The following CNST variants were observed in gnomAD, a reference collection of about 807,000 sequenced individuals.
CNST encodes the protein consortin.
CNST carries 39 observed loss-of-function variants against 72.4 expected under a neutral mutation model. The ratio of observed to expected loss-of-function variants is 0.54; its 90% CI spans 0.42 to 0.70. The LOEUF (loss-of-function observed/expected upper bound fraction) is 0.70. Among genes scored for constraint, CNST ranks in the 30% least tolerant of loss-of-function variants. CNST has a pLI of 0.00. For missense variants in CNST, 871 were observed against 868.5 expected (o/e 1.00, Z -0.04); for synonymous variants, 332 against 320.1 (o/e 1.04, Z -0.40).
At chr1:246,619,740 G>A (rs944154716) in intron 2 of CNST, among the ~76,000 whole-genome samples, 9 of 152,242 alleles carry the variant, frequency 5.9e-5, no homozygotes, top group African/African-American at 2.2e-4. Flanking sequence ...ATGAAGAATG[G>A]ACCAGTCTGG....
chr1:246,651,258 C>G (rs1450593277), intron 9 of CNST, among the ~76,000 whole-genome samples: 1 of 152,094 alleles, frequency 6.6e-6, no homozygotes. Flanking sequence ...GAGTCTGCCC[C>G]CTCCACCCCT....
chr1:246,628,692 C>T (rs1168374583), intron 3 of CNST, among the ~76,000 whole-genome samples: 2 of 152,224 alleles, frequency 1.3e-5, no homozygotes, highest in Non-Finnish European at 2.9e-5. Context: ...TTCATGAGGG[C>T]AGAGCCCCCG....
intron 1 of CNST, among the ~76,000 whole-genome samples, chr1:246,587,029 A>G (rs775544966): frequency 6.6e-5 from 10 of 152,220 alleles, no homozygotes; most frequent in Non-Finnish European, 1.5e-4. Flanking sequence ...ATTGCTGTTT[A>G]CTTCTATAAA....
intron 3 of CNST, among the ~76,000 whole-genome samples, chr1:246,624,987 G>C (rs1005362743): frequency 1.3e-5 from 2 of 152,178 alleles, no homozygotes; most frequent in Non-Finnish European, 1.5e-5. Flanking sequence ...GCACACACAC[G>C]TATTTTTTCC....
intron 10 of CNST, among the ~76,000 whole-genome samples, chr1:246,661,901 G>A (rs1318206898): frequency 6.6e-6 from 1 of 152,144 alleles, no homozygotes; most frequent in East Asian, 1.9e-4. Flanking sequence ...CACCTTGCTT[G>A]TAACTCTCAC....
chr1:246,614,963 G>T (rs1216565360), intron 2 of CNST, among the ~76,000 whole-genome samples: 1 of 152,078 alleles, frequency 6.6e-6, no homozygotes, highest in Non-Finnish European at 1.5e-5. Flanking sequence ...GAATGTCAGG[G>T]TACATTCCTA....
At chr1:246,635,245 C>T (rs1210964605) in intron 6 of CNST, among the ~76,000 whole-genome samples, 1 of 151,658 alleles carries the variant, frequency 6.6e-6, no homozygotes, top group Non-Finnish European at 1.5e-5. Flanking sequence ...TCTTGAGAGT[C>T]GGGTTGGTAT....
rs77958810 is a variant in CNST, at chr1:246,593,741, C to T, written c.379+1800C>T. Among the ~76,000 whole-genome samples, 50 of 151,972 alleles carry T rather than the reference C, an allele frequency of 3.3e-4. No homozygotes were observed. The East Asian group carries it at 8.5e-3, about 26-fold the overall frequency. On this transcript the variant is annotated intron_variant, in intron 2 of 10. Transcript: ENST00000366513. Reference sequence around the variant, plus strand: ...AACTATCATTCAAGGGCAAATTCACCAGGCCTCTCAATCTGATTTTGTGAT... The same window carrying T: ...AACTATCATTCAAGGGCAAATTCACTAGGCCTCTCAATCTGATTTTGTGAT...
intron 10 of CNST, among the ~76,000 whole-genome samples, chr1:246,660,638 T>A (rs1399836462): frequency 2.6e-5 from 4 of 152,132 alleles, no homozygotes; most frequent in South Asian, 2.1e-4. Context: ...AGCAGGAGAA[T>A]CGCTTGAACC....
Position 246,647,897 on chromosome 1 carries a change from G to C in CNST, c.1696G>C (p.Glu566Gln). The C allele has an allele frequency of 6.2e-7, 1 of 1,614,004 alleles. No individual in the cohort carries two copies. Among genetic ancestry groups the C allele is most frequent in the South Asian group, 1.1e-5 (1 of 91,086 alleles). ...AGATACTGAAGATTCCCTTTCCTATGAAGATAACCAAGACGACGACTCCGA... is the reference window on the plus strand; with the variant it reads ...AGATACTGAAGATTCCCTTTCCTATCAAGATAACCAAGACGACGACTCCGA... ...LKDTEDSLSY[E>Q]DNQDDDSDLL... is the part of the protein sequence containing the mutation. The change falls in exon 9 of 11, where the codon GAA becomes CAA. Residue 566 changes from glutamate to glutamine, a missense_variant. Transcript: ENST00000366513.
chr1:246,664,587 C>T (rs1422823734), intron 10 of CNST, among the ~76,000 whole-genome samples: 1 of 152,078 alleles, frequency 6.6e-6, no homozygotes, highest in South Asian at 2.1e-4. Context: ...CCACCACGCC[C>T]AGCTGATTTT....
rs372954797 is a variant in CNST, at chr1:246,629,002, G to A, written c.586-2892G>A. Among the ~76,000 whole-genome samples, 4 of 152,252 alleles carry A rather than the reference G, an allele frequency of 2.6e-5. No individual in the cohort carries two copies. The East Asian group carries it at 5.8e-4, about 22-fold the overall frequency. On this transcript the variant is annotated intron_variant, in intron 3 of 10. Transcript: ENST00000366513. ...TGCTGGGCATTATGCTAGATACATA[G>A]TCTCTCTGTTTTTTTTATTTGTATT...
intron 2 of CNST, chr1:246,606,040 C>T (rs1345802486): frequency 1.3e-5 from 2 of 152,182 alleles, no homozygotes; most frequent in South Asian, 2.1e-4. Context: ...GCGACTTTCT[C>T]CATAACTACT....
intron 1 of CNST, among the ~76,000 whole-genome samples, chr1:246,590,271 CAG>C (rs1464071164): frequency 2.0e-5 from 3 of 152,116 alleles, no homozygotes; most frequent in South Asian, 4.1e-4. Context: ...GCTGACAGGA[CAG>C]AAAGTTTCGC....
At chr1:246,574,704 T>C (rs954714063) in intron 1 of CNST, among the ~76,000 whole-genome samples, 5 of 152,020 alleles carry the variant, frequency 3.3e-5, no homozygotes, top group Non-Finnish European at 7.4e-5. Flanking sequence ...AATACGTGTA[T>C]TTTTCAGAGG....
At chr1:246,631,754 GT>G in intron 3 of CNST, 139 bp from the exon 4 acceptor site, 1 of 669,640 alleles carries the variant, frequency 1.5e-6, no homozygotes, top group Non-Finnish European at 2.7e-6. Flanking sequence ...CTTCTGAACT[GT>G]TGAATGTAGT....
intron 2 of CNST, among the ~76,000 whole-genome samples, chr1:246,603,696 A>T (rs4233250): frequency 0.91 from 138,442 of 152,174 alleles, 62,969 homozygotes; most frequent in South Asian, 0.94. Context: ...GTGAAAGAGG[A>T]CATATGTGTG....
At chr1:246,567,052 C>T (rs1177721059) in intron 1 of CNST, among the ~76,000 whole-genome samples, 2 of 141,508 alleles carry the variant, frequency 1.4e-5, no homozygotes, top group South Asian at 2.6e-4. Flanking sequence ...ACACCTGGTC[C>T]CCCCCATCAC....
intron 2 of CNST, among the ~76,000 whole-genome samples, chr1:246,617,066 T>C (rs1258440709): frequency 6.6e-6 from 1 of 152,220 alleles, no homozygotes; most frequent in East Asian, 1.9e-4. Context: ...CTGATTATGC[T>C]AATGTTTATT....
Sources: gnomAD v4.1 joint callset for allele counts (sites outside exome capture counted in the v4.1 genomes callset) on GRCh38, gnomAD v4.1.1 for gene constraint, MANE v1.5 for transcripts, NCBI Gene and HGNC (gene_info 2026-07-23, HGNC 2026-07-21) for gene names.